The following PPP6R2 variants were observed in gnomAD, a reference collection of about 807,000 sequenced individuals.
PPP6R2 encodes protein phosphatase 6 regulatory subunit 2, also known as serine/threonine-protein phosphatase 6 regulatory subunit 2.
In PPP6R2, 62 loss-of-function variants were observed where a neutral mutation model predicts 100.2. That is an observed-to-expected ratio of 0.62 (90% CI 0.50 to 0.76). PPP6R2 has a LOEUF of 0.76. Among genes scored for constraint, PPP6R2 ranks in the 30% least tolerant of loss-of-function variants. The probability of loss-of-function intolerance (pLI) is 0.00; values close to 1 mark genes in which losing one functional copy is unlikely to be tolerated. For synonymous variants in PPP6R2, 525 were observed against 514.7 expected (o/e 1.02, Z -0.27); for missense variants, 1,142 against 1,276.3 (o/e 0.89, Z 1.60).
At chr22:50,390,994 G>A (rs1331441698) in intron 2 of PPP6R2, among the ~76,000 whole-genome samples, 9 of 144,188 alleles carry the variant, frequency 6.2e-5, no homozygotes, top group Non-Finnish European at 1.1e-4. Context: ...GCAAAACTCC[G>A]TCTCAAAAAA....
intron 1 of PPP6R2, among the ~76,000 whole-genome samples, chr22:50,368,689 T>TA (rs2049295085): frequency 1.3e-5 from 2 of 152,208 alleles, no homozygotes; most frequent in East Asian, 3.9e-4. Context: ...ATACAAGGTC[T>TA]CACTTTGTCA....
intron 2 of PPP6R2, among the ~76,000 whole-genome samples, chr22:50,377,322 G>A (rs2051822513): frequency 6.6e-6 from 1 of 152,066 alleles, no homozygotes; most frequent in Non-Finnish European, 1.5e-5. Context: ...AGGCGTGGTG[G>A]TGCACACCTG....
In PPP6R2 at chr22:50,443,911, G is replaced by A. The variant is rs377165944; in HGVS notation, c.2625G>A (p.Ala875=). 1.6e-4 allele frequency: 251 copies of A among 1,594,992 alleles called. 6 individuals are homozygous for A. In the South Asian group the frequency reaches 2.5e-3, roughly 16 times the overall value. ...DSRLLSPACP[A]PKEVTAAPAV... ...GGCTGTTAAGCCCTGCCTGCCCCGC[G>A]CCAAAGGAAGTGACTGCTGCCCCAG... The change falls in exon 23 of 24, where the codon GCG becomes GCA. Residue 875 remains alanine, a synonymous_variant. Coordinates refer to ENST00000612753, the MANE Select transcript of PPP6R2 (RefSeq NM_001242898.2).
At chr22:50,401,555 A>G (rs1267611294) in intron 3 of PPP6R2, among the ~76,000 whole-genome samples, 1 of 145,648 alleles carries the variant, frequency 6.9e-6, no homozygotes, top group East Asian at 2.0e-4. Context: ...TCTGTCGCCC[A>G]GGCTGGAGTA....
At chr22:50,374,525 T>C (rs2051001628) in intron 2 of PPP6R2, among the ~76,000 whole-genome samples, 1 of 152,142 alleles carries the variant, frequency 6.6e-6, no homozygotes, top group South Asian at 2.1e-4. Context: ...AGATGTATTA[T>C]TCGAAGTATT....
intron 1 of PPP6R2, among the ~76,000 whole-genome samples, chr22:50,361,637 T>G (rs911557437): frequency 2.0e-5 from 3 of 152,124 alleles, no homozygotes; most frequent in Admixed American, 1.3e-4. Flanking sequence ...CTATTTTTCC[T>G]TCAACAGTCT....
At position 50,423,193 on chromosome 22, in the gene PPP6R2, G is replaced by A. The variant is rs1352695899; in HGVS notation, c.973-269G>A. 6.6e-6 allele frequency among the ~76,000 whole-genome samples: 1 copy of A among 152,196 alleles called. No homozygotes were observed. The highest frequency in any genetic ancestry group is 2.4e-5 in the African/African-American group (1 of 41,450). On this transcript the variant is annotated intron_variant, in intron 9 of 23. Coordinates refer to ENST00000612753, the MANE Select transcript of PPP6R2 (RefSeq NM_001242898.2). The surrounding 1 kb of genome is among the most constrained non-coding windows in gnomAD (Gnocchi z 4.8). ...TCTTGGACATCTCACCCGCTGAGGT[G>A]CACGGCTCTCTGGCCCTGCAGGCTC...
At chr22:50,355,134 T>G (rs2046193605) in intron 1 of PPP6R2, among the ~76,000 whole-genome samples, 1 of 151,876 alleles carries the variant, frequency 6.6e-6, no homozygotes, top group African/African-American at 2.4e-5. Context: ...TGAGCCACTT[T>G]GCCTGGCCCA....
intron 6 of PPP6R2, among the ~76,000 whole-genome samples, chr22:50,416,358 C>T (rs543626701): frequency 4.0e-5 from 6 of 148,312 alleles, no homozygotes; most frequent in South Asian, 2.1e-4. Context: ...GATGGCGTTT[C>T]GCTCTTGTTG....
upstream of PPP6R2, among the ~76,000 whole-genome samples, chr22:50,342,044 C>G (rs891936905): frequency 6.6e-6 from 1 of 151,808 alleles, no homozygotes; most frequent in African/African-American, 2.4e-5. Context: ...GTTGCACTGG[C>G]TGAGCACAGG....
In PPP6R2 at chr22:50,444,283, G is replaced by A; in HGVS notation, c.*36G>A. 6.2e-7 allele frequency: 1 copy of A among 1,602,428 alleles called. No individual in the cohort carries two copies. The highest frequency in any genetic ancestry group is 8.5e-7 in the Non-Finnish European group (1 of 1,176,180). On this transcript the variant is annotated 3_prime_UTR_variant, in exon 24 of 24. Transcript: ENST00000612753. ...GCCCGGCCACGGCCCACCCTGGTCAGGCTGCCTCCTTAATCGAGAAAACTA... is the reference window on the plus strand; with the variant it reads ...GCCCGGCCACGGCCCACCCTGGTCAAGCTGCCTCCTTAATCGAGAAAACTA...
chr22:50,355,764 G>C lies in PPP6R2; in HGVS notation c.-148+12214G>C, dbSNP rs1326982623. 2.0e-5 allele frequency among the ~76,000 whole-genome samples: 3 copies of C among 149,304 alleles called. No homozygotes were observed. The East Asian group carries it at 5.9e-4, about 30-fold the overall frequency. ...TCTCGATCTCCTTACCTCATGATCC[G>C]CCCGCCTCGGCCTCCCAAATTGCTG... On this transcript the variant is annotated intron_variant, in intron 1 of 23. Coordinates refer to ENST00000612753, the MANE Select transcript of PPP6R2 (RefSeq NM_001242898.2).
chr22:50,340,225 TATGGTATGTGGTGTGTGTGG>T (rs2042357048), upstream of PPP6R2, among the ~76,000 whole-genome samples: 1 of 89,488 alleles, frequency 1.1e-5, no homozygotes, highest in Non-Finnish European at 2.6e-5. Context: ...ATGTGGTGTG[TATGGTATGTGGTGTGTGTGG>T]TGTGTGTGGA....
Position 50,416,101 on chromosome 22 carries a change from G to A in PPP6R2, c.562G>A (p.Glu188Lys). The A allele has an allele frequency of 6.2e-7, 1 of 1,613,514 alleles. No homozygotes were observed. Among genetic ancestry groups the A allele is most frequent in the Non-Finnish European group, 8.5e-7 (1 of 1,179,422 alleles). ...TCTTTTTCTCTTTCAGTGGCTGAAT[G>A]AAGAGAAGGTCATCCAGAGGCTTGT... ...LRQDVLHWLN[E>K]EKVIQRLVEL... Residue 188 changes from glutamate to lysine, a missense_variant, in exon 6 of 24, where the codon GAA becomes AAA. By Grantham distance (56) the Glu-to-Lys change is moderately conservative. Coordinates refer to ENST00000612753, the MANE Select transcript of PPP6R2 (RefSeq NM_001242898.2).
intron 22 of PPP6R2, 57 bp from the exon 23 acceptor site, chr22:50,443,809 G>A: frequency 6.6e-7 from 1 of 1,514,096 alleles, no homozygotes. Flanking sequence ...TGGGCATGAG[G>A]CGGGGTGGCA....
intron 12 of PPP6R2, among the ~76,000 whole-genome samples, chr22:50,434,472 G>C (rs1394820719): frequency 1.9e-5 from 1 of 53,236 alleles, no homozygotes; most frequent in Non-Finnish European, 3.4e-5. Context: ...AGGGCCGGGG[G>C]ATGGATGCTG....
At position 50,439,869 on chromosome 22, in the gene PPP6R2, G is replaced by A. The variant is rs775905853; in HGVS notation, c.2285+12G>A. 2.2e-5 allele frequency: 36 copies of A among 1,610,656 alleles called. No individual in the cohort carries two copies. The highest frequency in any genetic ancestry group is 6.7e-5 in the African/African-American group (5 of 74,916). On this transcript the variant is annotated intron_variant, in intron 20 of 23. Transcript: ENST00000612753. Reference sequence around the variant, plus strand: ...CAACCTTTCTGCTGGTAACAAATGCGCTGGCAGGAGGGGGCTGTGCCAGGA... The same window carrying A: ...CAACCTTTCTGCTGGTAACAAATGCACTGGCAGGAGGGGGCTGTGCCAGGA...
intron 17 of PPP6R2, 45 bp downstream of exon 17, chr22:50,437,945 G>T: frequency 6.4e-7 from 1 of 1,564,478 alleles, no homozygotes. Context: ...CTTTTCCCAG[G>T]CAGCTCAGGC....
chr22:50,333,214 T>G, the PPP6R2 span, among the ~76,000 whole-genome samples: 1 of 152,202 alleles, frequency 6.6e-6, no homozygotes, highest in Admixed American at 6.6e-5. Flanking sequence ...TTTTTTTTAA[T>G]TCTCTATTCT....
Sources: allele counts gnomAD v4.1 joint callset (sites outside exome capture counted in the v4.1 genomes callset), GRCh38; gene constraint gnomAD v4.1.1; non-coding constraint Gnocchi (gnomAD v3.1); transcripts MANE v1.5; gene names NCBI Gene and HGNC (gene_info 2026-07-23, HGNC 2026-07-21).